Variants in LIN52 observed in about 807,000 individuals in gnomAD.
LIN52 encodes the protein lin-52 DREAM MuvB core complex component.
In LIN52, 4 loss-of-function variants were observed where a neutral mutation model predicts 18.5. The ratio of observed to expected loss-of-function variants is 0.22; its 90% CI spans 0.11 to 0.49. LIN52 has a LOEUF of 0.49. Ranked by LOEUF, LIN52 falls within the 20% of genes least tolerant of loss-of-function variation. The pLI is 0.97. For missense variants in LIN52, 102 were observed against 139.5 expected (o/e 0.73, Z 1.35); for synonymous variants, 34 against 45.5 (o/e 0.75, Z 1.02).
At chr14:74,180,087 A>C (rs1461317499) in intron 5 of LIN52, among the ~76,000 whole-genome samples, 1 of 152,112 alleles carries the variant, frequency 6.6e-6, no homozygotes, top group Admixed American at 6.6e-5. Context: ...AACCTACCTG[A>C]AAGACATCCA....
chr14:74,168,081 C>T (rs928465621), intron 5 of LIN52, among the ~76,000 whole-genome samples: 4 of 152,220 alleles, frequency 2.6e-5, no homozygotes, highest in African/African-American at 9.6e-5. Flanking sequence ...TGGTAATGCT[C>T]AGGCAGAGCT....
chr14:74,097,676 CAAGT>C, intron 3 of LIN52, 114 bp from the exon 4 acceptor site: 1 of 673,246 alleles, frequency 1.5e-6, no homozygotes, highest in South Asian at 1.8e-5. Flanking sequence ...CTCCTGACCT[CAAGT>C]AATCCGCCCA....
At chr14:74,157,500 T>C (rs1172550088) in intron 5 of LIN52, among the ~76,000 whole-genome samples, 1 of 151,144 alleles carries the variant, frequency 6.6e-6, no homozygotes, top group East Asian at 2.0e-4. Flanking sequence ...AGGGTCTCAC[T>C]CTGTCACTCA....
intron 5 of LIN52, among the ~76,000 whole-genome samples, chr14:74,184,919 T>G (rs2061334618): frequency 6.6e-6 from 1 of 152,068 alleles, no homozygotes. Context: ...AGTACATCTT[T>G]TTTCTTTTTT....
intron 2 of LIN52, among the ~76,000 whole-genome samples, chr14:74,093,027 C>G (rs893495588): frequency 8.6e-5 from 13 of 152,014 alleles, no homozygotes; most frequent in African/African-American, 3.1e-4. Flanking sequence ...TCTCGGCTCA[C>G]TGCAACGTCC....
chr14:74,149,599 T>G lies in LIN52; in HGVS notation c.283+48361T>G, dbSNP rs2139554101. Among the ~76,000 whole-genome samples, 3 of 152,344 alleles carry G rather than the reference T, an allele frequency of 2.0e-5. 1 individual carries two copies. The South Asian group carries it at 6.2e-4, about 32-fold the overall frequency. ...TTCCGATTCAATTCCAGCAATATTCTTGTTTTTCATAAACTTTTTTCCTTC... is the reference window on the plus strand; with the variant it reads ...TTCCGATTCAATTCCAGCAATATTCGTGTTTTTCATAAACTTTTTTCCTTC... On this transcript the variant is annotated intron_variant, in intron 5 of 5. Transcript: ENST00000555028.
chr14:74,101,616 G>A (rs1332081433), intron 5 of LIN52, among the ~76,000 whole-genome samples: 4 of 151,934 alleles, frequency 2.6e-5, no homozygotes, highest in African/African-American at 4.8e-5. Context: ...CCGCCACTAC[G>A]CCCGGCTGAT....
chr14:74,085,975 C>A (rs891995970), intron 1 of LIN52, among the ~76,000 whole-genome samples: 1 of 152,110 alleles, frequency 6.6e-6, no homozygotes, highest in African/African-American at 2.4e-5. Context: ...ATGCTAGGTG[C>A]TTTGGGAGAC....
Position 74,099,585 on chromosome 14 carries a change from T to TG in LIN52, c.200-1570_200-1569insG, listed in dbSNP as rs1491354100. Among the ~76,000 whole-genome samples, 567 of 144,654 alleles carry TG rather than the reference T, an allele frequency of 3.9e-3. 5 individuals are homozygous for TG. The highest frequency in any genetic ancestry group is 0.014 in the African/African-American group (531 of 36,736). The allele number at this position is 144,654 out of a possible 152,430, so 94.9% of individuals were successfully genotyped here. ...GGAAAGAACATTTTTAAGTATTGTC[T>TG]TTGTGTGTGTGTGTGTGTGTGTGTA... On this transcript the variant is annotated intron_variant, in intron 4 of 5. Coordinates refer to ENST00000555028, the MANE Select transcript of LIN52 (RefSeq NM_001024674.3).
chr14:74,102,081 T>G (rs182848556), intron 5 of LIN52, among the ~76,000 whole-genome samples: 1 of 152,280 alleles, frequency 6.6e-6, no homozygotes, highest in East Asian at 1.9e-4. Context: ...CATTTTAGTT[T>G]ACAAATAAAT....
intron 5 of LIN52, among the ~76,000 whole-genome samples, chr14:74,167,894 C>A (rs986971786): frequency 1.3e-5 from 2 of 152,046 alleles, no homozygotes; most frequent in African/African-American, 4.8e-5. Flanking sequence ...ACACCATGGG[C>A]AGTTGGGCAG....
At chr14:74,089,696 A>T (rs2139844938) in intron 1 of LIN52, among the ~76,000 whole-genome samples, 1 of 152,244 alleles carries the variant, frequency 6.6e-6, no homozygotes, top group South Asian at 2.1e-4. Flanking sequence ...ATGTAAATAG[A>T]GAGGGATTCA....
At chr14:74,185,287 A>ATATT (rs1216662137) in intron 5 of LIN52, among the ~76,000 whole-genome samples, 1 of 130,706 alleles carries the variant, frequency 7.7e-6, no homozygotes, top group Non-Finnish European at 1.7e-5. Flanking sequence ...TTTATGTAAT[A>ATATT]TATTTGATTT....
At chr14:74,161,076 A>G (rs1380140501) in intron 5 of LIN52, among the ~76,000 whole-genome samples, 2 of 152,224 alleles carry the variant, frequency 1.3e-5, no homozygotes, top group Non-Finnish European at 2.9e-5. Flanking sequence ...TCTTAACATT[A>G]GGATTTGGGG....
chr14:74,148,513 A>C (rs1209406489), intron 5 of LIN52, among the ~76,000 whole-genome samples: 1 of 152,196 alleles, frequency 6.6e-6, no homozygotes, highest in African/African-American at 2.4e-5. Context: ...AGATTACAGT[A>C]GGCTAAAGGT....
Position 74,101,279 on chromosome 14 carries a change from C to T in LIN52, c.283+41C>T, listed in dbSNP as rs190542767. 9.7e-6 allele frequency: 14 copies of T among 1,443,176 alleles called. No homozygotes were observed. The African/African-American group carries it at 1.9e-4, about 19-fold the overall frequency. The allele number at this position is 1,443,176 out of a possible 1,614,324, so 89.4% of individuals were successfully genotyped here. A position where few individuals can be genotyped will look rare whatever the true frequency, so the allele number is the denominator to read the frequency against. On this transcript the variant is annotated intron_variant, in intron 5 of 5. Transcript: ENST00000555028. Reference sequence around the variant, plus strand: ...GCATTTGTTCAGGGGTGTATTCCACCCTGAGCTGTGTATTCCACCCTGAGC... The same window carrying T: ...GCATTTGTTCAGGGGTGTATTCCACTCTGAGCTGTGTATTCCACCCTGAGC...
At chr14:74,181,504 C>A (rs1408888358) in intron 5 of LIN52, among the ~76,000 whole-genome samples, 1 of 151,704 alleles carries the variant, frequency 6.6e-6, no homozygotes, top group African/African-American at 2.4e-5. Context: ...GATTTTCCCC[C>A]GTCTATTGTG....
chr14:74,130,708 G>C (rs1211888547), intron 5 of LIN52, among the ~76,000 whole-genome samples: 1 of 146,358 alleles, frequency 6.8e-6, no homozygotes, highest in Admixed American at 7.1e-5. Flanking sequence ...TCGTGCCTCA[G>C]CCTCCCAAGT....
intron 5 of LIN52, among the ~76,000 whole-genome samples, chr14:74,141,855 C>G (rs2061132943): frequency 6.6e-6 from 1 of 152,160 alleles, no homozygotes; most frequent in African/African-American, 2.4e-5. Flanking sequence ...CCCTAATTTT[C>G]TACTTCAGAA....
Sources: allele counts gnomAD v4.1 joint callset (sites outside exome capture counted in the v4.1 genomes callset), GRCh38; gene constraint gnomAD v4.1.1; transcripts MANE v1.5; gene names NCBI Gene and HGNC (gene_info 2026-07-23, HGNC 2026-07-21).